PDE1C: variants seen among roughly 807,000 people sequenced by gnomAD.
PDE1C encodes the protein dual specificity calcium/calmodulin-dependent 3',5'-cyclic nucleotide phosphodiesterase 1C.
A neutral mutation model predicts 93.1 loss-of-function variants in PDE1C; 62 were observed. The ratio of observed to expected loss-of-function variants is 0.67; its 90% confidence interval spans 0.54 to 0.82. PDE1C has a LOEUF of 0.82. Among genes scored for constraint, PDE1C ranks in the 40% least tolerant of loss-of-function variants. The probability of loss-of-function intolerance (pLI) is 0.00; values close to 1 mark genes in which losing one functional copy is unlikely to be tolerated. For synonymous variants in PDE1C, 325 were observed against 310.1 expected (o/e 1.05, Z -0.50); for missense variants, 742 against 884.6 (o/e 0.84, Z 2.04).
intron 2 of PDE1C, among the ~76,000 whole-genome samples, chr7:32,022,479 C>G (rs30560): frequency 0.53 from 81,012 of 151,590 alleles, 23,739 homozygotes; most frequent in Middle Eastern, 0.7. Flanking sequence ...GATAAGTGTC[C>G]CAAGGAGAAG....
chr7:32,083,784 T>A (rs548153284), intron 3 of PDE1C, among the ~76,000 whole-genome samples: 1 of 152,168 alleles, frequency 6.6e-6, no homozygotes, highest in African/African-American at 2.4e-5. Flanking sequence ...TAAAATACTT[T>A]ACAGACAAGC....
intron 2 of PDE1C, among the ~76,000 whole-genome samples, chr7:31,897,139 C>T (rs1799416930): frequency 6.6e-6 from 1 of 152,108 alleles, no homozygotes; most frequent in South Asian, 2.1e-4. Context: ...TCTTGTAAAT[C>T]CCCCAGGATT....
intron 1 of PDE1C, among the ~76,000 whole-genome samples, chr7:32,412,834 C>T (rs1277230329): frequency 6.6e-6 from 1 of 152,152 alleles, no homozygotes; most frequent in Non-Finnish European, 1.5e-5. Flanking sequence ...AGAAAGCTTG[C>T]ACAATAGCAT....
At chr7:32,283,989 G>A (rs982039524) in intron 1 of PDE1C, among the ~76,000 whole-genome samples, 27 of 152,270 alleles carry the variant, frequency 1.8e-4, no homozygotes, top group Admixed American at 1.3e-3. Context: ...GGACCAGGGC[G>A]GGAAGAAGCA....
intron 3 of PDE1C, among the ~76,000 whole-genome samples, chr7:32,116,620 G>A (rs1798998849): frequency 6.6e-6 from 1 of 152,092 alleles, no homozygotes; most frequent in African/African-American, 2.4e-5. Flanking sequence ...TTCACCACCT[G>A]GGGAGAGAGG....
chr7:31,961,447 A>G (rs1055460242), intron 2 of PDE1C, among the ~76,000 whole-genome samples: 1 of 152,136 alleles, frequency 6.6e-6, no homozygotes, highest in African/African-American at 2.4e-5. Flanking sequence ...TGCATATTTC[A>G]TATTTATTTT....
At chr7:32,307,779 C>A (rs1371431772) in intron 1 of PDE1C, among the ~76,000 whole-genome samples, 2 of 152,212 alleles carry the variant, frequency 1.3e-5, no homozygotes, top group Non-Finnish European at 2.9e-5. Context: ...AGGAACAGCT[C>A]CAGTCTACAA....
At chr7:32,249,977 T>C (rs377648408) in intron 1 of PDE1C, among the ~76,000 whole-genome samples, 9 of 152,278 alleles carry the variant, frequency 5.9e-5, no homozygotes, top group Admixed American at 3.3e-4. Flanking sequence ...TTAAATTATA[T>C]AAAAGAGAGA....
intron 1 of PDE1C, among the ~76,000 whole-genome samples, chr7:32,271,968 A>G (rs1050378951): frequency 6.6e-6 from 1 of 152,184 alleles, no homozygotes; most frequent in Non-Finnish European, 1.5e-5. Flanking sequence ...CCATTGGGTT[A>G]GTTACAACAA....
chr7:31,793,117 AATGTGGCCTTATTT>A (rs1784776262), intron 16 of PDE1C, among the ~76,000 whole-genome samples: 2 of 152,154 alleles, frequency 1.3e-5, no homozygotes, highest in African/African-American at 4.8e-5. Context: ...GACTTAAAAC[AATGTGGCCTTATTT>A]ATGGTACCAT....
chr7:31,877,478 A>G (rs1796734754), intron 5 of PDE1C, among the ~76,000 whole-genome samples: 1 of 151,994 alleles, frequency 6.6e-6, no homozygotes, highest in South Asian at 2.1e-4. Context: ...CATTACTAAG[A>G]GCTTACCATG....
At chr7:31,618,292 AG>A in the PDE1C span, among the ~76,000 whole-genome samples, 1 of 152,332 alleles carries the variant, frequency 6.6e-6, no homozygotes, top group Admixed American at 6.5e-5. Flanking sequence ...CCCCATAAAA[AG>A]TAATTAGGAC....
chr7:32,243,002 C>T (rs145503978), intron 1 of PDE1C, among the ~76,000 whole-genome samples: 222 of 152,254 alleles, frequency 1.5e-3, no homozygotes, highest in African/African-American at 4.9e-3. Flanking sequence ...ACAAGGGACA[C>T]GTGTCCAGGA....
intron 1 of PDE1C, among the ~76,000 whole-genome samples, chr7:32,236,169 A>G (rs1351875316): frequency 1.3e-5 from 2 of 152,144 alleles, no homozygotes; most frequent in African/African-American, 2.4e-5. Flanking sequence ...TAAATATAAG[A>G]TATAAAATCT....
chr7:32,044,463 C>A (rs1446268647), intron 2 of PDE1C, among the ~76,000 whole-genome samples: 1 of 152,016 alleles, frequency 6.6e-6, no homozygotes, highest in Non-Finnish European at 1.5e-5. Flanking sequence ...CAACAGGAAG[C>A]CAATGGAGAT....
the PDE1C span, among the ~76,000 whole-genome samples, chr7:31,639,247 C>A: frequency 6.6e-6 from 1 of 152,170 alleles, no homozygotes; most frequent in Non-Finnish European, 1.5e-5. Flanking sequence ...CTTGTCTCAT[C>A]ACTTGCTGAT....
At chr7:31,634,321 A>C in the PDE1C span, among the ~76,000 whole-genome samples, 1 of 152,238 alleles carries the variant, frequency 6.6e-6, no homozygotes, top group Non-Finnish European at 1.5e-5. Flanking sequence ...ACGAAGATTG[A>C]GTTATAACAG....
chr7:31,662,350 G>C, the PDE1C span, among the ~76,000 whole-genome samples: 3 of 152,332 alleles, frequency 2.0e-5, no homozygotes, highest in African/African-American at 7.2e-5. Flanking sequence ...CGGATTCTCA[G>C]ATCTGGAAGA....
In PDE1C at chr7:32,217,242, C is replaced by G. The variant is rs548482779; in HGVS notation, c.86-7703G>C. Reference sequence around the variant, plus strand: ...GAACCAGTACAACTCACAAAAACAGCCCCTATGAGGCAAATCGTATTCTCT... The same window carrying G: ...GAACCAGTACAACTCACAAAAACAGGCCCTATGAGGCAAATCGTATTCTCT... On this transcript the variant is annotated intron_variant, in intron 1 of 18. Coordinates refer to the PDE1C transcript ENST00000396193. 1.8e-3 allele frequency among the ~76,000 whole-genome samples: 272 copies of G among 152,326 alleles called. 1 individual carries two copies. Among genetic ancestry groups the G allele is most frequent in the Non-Finnish European group, 2.8e-3 (188 of 68,036 alleles).
Sources: gnomAD v4.1 joint callset for allele counts (sites outside exome capture counted in the v4.1 genomes callset) on GRCh38, gnomAD v4.1.1 for gene constraint, MANE v1.5 for transcripts, NCBI Gene and HGNC (gene_info 2026-07-23, HGNC 2026-07-21) for gene names.